CHD2: variants seen among roughly 807,000 people sequenced by gnomAD.
CHD2 encodes chromodomain helicase DNA binding protein 2, also known as ATP-dependent chromatin remodeler CHD2.
CHD2 carries 28 observed loss-of-function variants against 243.9 expected under a neutral mutation model. The observed-to-expected ratio is 0.11, with a 90% CI of 0.09 to 0.16. CHD2 has a LOEUF of 0.16. Among genes scored for constraint, CHD2 ranks in the 10% least tolerant of loss-of-function variants. The probability of loss-of-function intolerance (pLI) is 1.00; values close to 1 mark genes in which losing one functional copy is unlikely to be tolerated. For missense variants in CHD2, 1,386 were observed against 2,209.8 expected (o/e 0.63, Z 7.47); for synonymous variants, 775 against 779.0 (o/e 0.99, Z 0.09).
At chr15:92,927,365 A>G (rs766185639) in intron 4 of CHD2, 35 bp downstream of exon 4, 5 of 1,440,322 alleles carry the variant, frequency 3.5e-6, no homozygotes, top group South Asian at 2.3e-5. Context: ...ATGCATTTAA[A>G]CTCCCTATCT....
intron 2 of CHD2, among the ~76,000 whole-genome samples, chr15:92,922,111 A>G (rs2052966764): frequency 2.0e-5 from 3 of 152,212 alleles, no homozygotes; most frequent in Admixed American, 2.0e-4. Context: ...ATAAGAGTTA[A>G]TAATGTTTTC....
At chr15:92,924,672 A>G (rs1024861516) in intron 3 of CHD2, 120 bp downstream of exon 3, 15 of 747,448 alleles carry the variant, frequency 2.0e-5, no homozygotes, top group African/African-American at 3.5e-5. Context: ...CATTTTTTCT[A>G]GTAATATACA....
intron 33 of CHD2, 145 bp downstream of exon 33, chr15:93,002,462 G>A (rs2054269425): frequency 2.3e-6 from 3 of 1,329,066 alleles, no homozygotes; most frequent in Non-Finnish European, 3.0e-6. Context: ...CCGTTGATGG[G>A]ATACCTGCAC....
intron 16 of CHD2, among the ~76,000 whole-genome samples, chr15:92,960,891 T>G (rs966071747): frequency 6.6e-6 from 1 of 151,798 alleles, no homozygotes; most frequent in Non-Finnish European, 1.5e-5. Context: ...ATTTTTGTAT[T>G]TTTCGTAGAG....
intron 17 of CHD2, among the ~76,000 whole-genome samples, chr15:92,967,872 T>C (rs2053788017): frequency 6.6e-6 from 1 of 152,150 alleles, no homozygotes; most frequent in Non-Finnish European, 1.5e-5. Context: ...TTTCGTAATA[T>C]CTAGTGTTTA....
At chr15:92,934,935 T>C (rs1451693031) in intron 5 of CHD2, among the ~76,000 whole-genome samples, 1 of 152,140 alleles carries the variant, frequency 6.6e-6, no homozygotes, top group Non-Finnish European at 1.5e-5. Flanking sequence ...GGGTTGGTGA[T>C]ATGGCCAAGC....
intron 34 of CHD2, among the ~76,000 whole-genome samples, chr15:93,005,320 A>C (rs1347630756): frequency 6.6e-6 from 1 of 152,154 alleles, no homozygotes; most frequent in Non-Finnish European, 1.5e-5. Flanking sequence ...AAAAGGTAAC[A>C]GGAGAAGAGG....
intron 36 of CHD2, among the ~76,000 whole-genome samples, chr15:93,014,029 ATAT>A (rs1022650542): frequency 1.3e-5 from 2 of 152,008 alleles, no homozygotes; most frequent in African/African-American, 4.8e-5. Flanking sequence ...ATTAAACATA[ATAT>A]TGTAGAAATA....
chr15:92,995,733 C>G (rs771407789), intron 28 of CHD2, among the ~76,000 whole-genome samples: 1 of 152,106 alleles, frequency 6.6e-6, no homozygotes, highest in Non-Finnish European at 1.5e-5. Flanking sequence ...AATGAATATA[C>G]CATTTCATAT....
intron 22 of CHD2, 58 bp from the exon 23 acceptor site, chr15:92,980,757 A>C (rs981888770): frequency 8.2e-7 from 1 of 1,213,962 alleles, no homozygotes; most frequent in Non-Finnish European, 1.2e-6. Flanking sequence ...AGTTATTCTG[A>C]AGTAGAACAC....
chr15:92,964,142 C>G (rs1477228714), intron 16 of CHD2, among the ~76,000 whole-genome samples: 10 of 152,190 alleles, frequency 6.6e-5, no homozygotes, highest in African/African-American at 2.4e-4. Context: ...TTCAGGGAGT[C>G]TCTTCCAAAA....
At chr15:92,928,660 C>A (rs984830718) in intron 4 of CHD2, among the ~76,000 whole-genome samples, 32 of 152,294 alleles carry the variant, frequency 2.1e-4, no homozygotes, top group Non-Finnish European at 3.4e-4. Context: ...ATAAAACTTC[C>A]ATTTCTCAGT....
At chr15:93,011,016 CT>C (rs959527559) in intron 35 of CHD2, among the ~76,000 whole-genome samples, 1 of 151,776 alleles carries the variant, frequency 6.6e-6, no homozygotes, top group South Asian at 2.1e-4. Context: ...CAAAATGGTA[CT>C]TTTTTTTCCG....
intron 26 of CHD2, among the ~76,000 whole-genome samples, chr15:92,988,080 CTCTT>C (rs1355969145): frequency 2.1e-5 from 3 of 144,762 alleles, no homozygotes; most frequent in Admixed American, 7.0e-5. Context: ...AGTTAGTTGT[CTCTT>C]TTTTTTTTTT....
chr15:92,983,022 GCTGACT>G (rs927679607), intron 24 of CHD2, among the ~76,000 whole-genome samples: 11 of 152,126 alleles, frequency 7.2e-5, no homozygotes, highest in African/African-American at 2.2e-4. Flanking sequence ...GTTGCAGACT[GCTGACT>G]TTTCTTATCT....
In CHD2 at chr15:93,000,563, A is replaced by G; in HGVS notation, c.4060A>G (p.Arg1354Gly). The G allele has an allele frequency of 2.5e-6, 4 of 1,613,970 alleles. No individual in the cohort carries two copies. The East Asian group carries it at 6.7e-5, about 27-fold the overall frequency. Residue 1354 changes from arginine (R) to glycine (G), a missense_variant, in exon 32 of 39, where the codon AGG becomes GGG. Physicochemically the swap from Arg to Gly is moderately radical, Grantham distance 125. Coordinates refer to ENST00000394196, the MANE Select transcript of CHD2 (RefSeq NM_001271.4). Reference sequence around the variant, plus strand: ...GGTAAAGAAGGAAAACAAAGTGCCCAGGCTGAAAGAGGAGCATGGAATTGA... The same window carrying G: ...GGTAAAGAAGGAAAACAAAGTGCCCGGGCTGAAAGAGGAGCATGGAATTGA... ...PRVKKENKVP[R>G]LKEEHGIELS...
At chr15:93,004,030 A>C (rs1234699213) in intron 33 of CHD2, among the ~76,000 whole-genome samples, 1 of 151,864 alleles carries the variant, frequency 6.6e-6, no homozygotes, top group African/African-American at 2.4e-5. Context: ...AGGCTGAGGC[A>C]GAAGAATCTC....
At chr15:93,004,435 G>T in intron 33 of CHD2, 182 bp from the exon 34 acceptor site, 1 of 465,742 alleles carries the variant, frequency 2.1e-6, no homozygotes. Flanking sequence ...AATAATGTGT[G>T]AGTAAGCTGC....
At chr15:92,926,179 C>T (rs2053057735) in intron 3 of CHD2, among the ~76,000 whole-genome samples, 1 of 152,168 alleles carries the variant, frequency 6.6e-6, no homozygotes, top group African/African-American at 2.4e-5. Flanking sequence ...CCCTACGTAG[C>T]CCAGGCTGAT....
Sources: gnomAD v4.1 joint callset for allele counts (sites outside exome capture counted in the v4.1 genomes callset) on GRCh38, gnomAD v4.1.1 for gene constraint, MANE v1.5 for transcripts, NCBI Gene and HGNC (gene_info 2026-07-23, HGNC 2026-07-21) for gene names.